The following PLXDC2 variants were observed in gnomAD, a reference collection of about 807,000 sequenced individuals.
PLXDC2 encodes the protein plexin domain-containing protein 2.
PLXDC2 carries 40 observed loss-of-function variants against 68.9 expected under a neutral mutation model. The observed-to-expected ratio is 0.58, with a 90% CI of 0.45 to 0.76. The LOEUF (loss-of-function observed/expected upper bound fraction) is 0.76. Among genes scored for constraint, PLXDC2 ranks in the 30% least tolerant of loss-of-function variants. PLXDC2 has a pLI of 0.00. For missense variants in PLXDC2, 644 were observed against 661.9 expected (o/e 0.97, Z 0.30); for synonymous variants, 243 against 234.2 (o/e 1.04, Z -0.34).
At chr10:20,049,419 T>C (rs1835853747) in intron 3 of PLXDC2, among the ~76,000 whole-genome samples, 1 of 152,092 alleles carries the variant, frequency 6.6e-6, no homozygotes, top group African/African-American at 2.4e-5. Flanking sequence ...GAAGTAAAAC[T>C]ATCCCTGTTT....
At chr10:20,150,287 T>C (rs758195861) in intron 6 of PLXDC2, among the ~76,000 whole-genome samples, 2 of 152,232 alleles carry the variant, frequency 1.3e-5, no homozygotes, top group Non-Finnish European at 2.9e-5. Context: ...AGGTGGTGTT[T>C]GGTTACATGG....
intron 4 of PLXDC2, among the ~76,000 whole-genome samples, chr10:20,086,428 G>A (rs1465974783): frequency 6.6e-6 from 1 of 151,538 alleles, no homozygotes; most frequent in East Asian, 1.9e-4. Flanking sequence ...CTTGCTTCAA[G>A]CAATCCTCCC....
At chr10:19,947,390 A>G (rs144865288) in intron 1 of PLXDC2, among the ~76,000 whole-genome samples, 3 of 152,342 alleles carry the variant, frequency 2.0e-5, no homozygotes, top group African/African-American at 4.8e-5. Context: ...AGCCCAGGCT[A>G]TCAGGTTTGA....
intron 4 of PLXDC2, among the ~76,000 whole-genome samples, chr10:20,097,424 GTTAGAGATACTATTACT>G (rs758318867): frequency 3.5e-4 from 53 of 152,172 alleles, no homozygotes; most frequent in Non-Finnish European, 6.6e-4. Flanking sequence ...TCCATGGCTG[GTTAGAGATACTATTACT>G]ATTTTAACTT....
chr10:19,842,956 G>A (rs1836936751), intron 1 of PLXDC2, among the ~76,000 whole-genome samples: 1 of 152,096 alleles, frequency 6.6e-6, no homozygotes, highest in Non-Finnish European at 1.5e-5. Flanking sequence ...TGTATTCAGT[G>A]TTTATTGGCT....
rs868480555 is a variant in PLXDC2, at chr10:19,883,884, C to T, written c.112+66693C>T. On this transcript the variant is annotated intron_variant, in intron 1 of 13. Coordinates refer to ENST00000377252, the MANE Select transcript of PLXDC2 (RefSeq NM_032812.9). ...ATTACTGTCTCCAGATCCCTTTAAA[C>T]TTTTTTTTTTTTTTTTTTTTTTTTT... is the stretch of plus-strand genomic sequence containing the variant. Among the ~76,000 whole-genome samples, 44 of 55,098 alleles carry T rather than the reference C, an allele frequency of 8.0e-4. 1 individual carries two copies. The highest frequency in any genetic ancestry group is 1.2e-3 in the African/African-American group (13 of 10,842). 36.1% of individuals were successfully genotyped at this position (55,098 alleles called of 152,430 possible). A position where few individuals can be genotyped will look rare whatever the true frequency, so the allele number is the denominator to read the frequency against.
chr10:20,101,220 T>G (rs1415023089), intron 4 of PLXDC2, among the ~76,000 whole-genome samples: 1 of 152,152 alleles, frequency 6.6e-6, no homozygotes. Flanking sequence ...ATCCACATTC[T>G]TCCAAAGTAG....
At chr10:19,852,357 T>C (rs558480357) in intron 1 of PLXDC2, among the ~76,000 whole-genome samples, 4 of 138,364 alleles carry the variant, frequency 2.9e-5, no homozygotes, top group Admixed American at 1.6e-4. Context: ...GCCCAGGAGA[T>C]TGAGGCTGCA....
At chr10:20,080,179 A>G (rs920109685) in intron 4 of PLXDC2, among the ~76,000 whole-genome samples, 6 of 152,172 alleles carry the variant, frequency 3.9e-5, no homozygotes, top group Non-Finnish European at 7.4e-5. Context: ...CTCTCATTCT[A>G]TCGAGAAAAA....
chr10:20,134,188 C>A (rs995272082), intron 4 of PLXDC2, among the ~76,000 whole-genome samples: 1 of 152,078 alleles, frequency 6.6e-6, no homozygotes, highest in Non-Finnish European at 1.5e-5. Context: ...ATTTTCAATT[C>A]TTTGTCAGGC....
chr10:20,234,583 T>C (rs1835407763), intron 12 of PLXDC2, among the ~76,000 whole-genome samples: 1 of 152,126 alleles, frequency 6.6e-6, no homozygotes, highest in Admixed American at 6.5e-5. Context: ...CACAGTTTAT[T>C]AGTTCTCGTA....
chr10:19,915,999 A>T (rs1430239067), intron 1 of PLXDC2, among the ~76,000 whole-genome samples: 3 of 152,092 alleles, frequency 2.0e-5, no homozygotes, highest in Middle Eastern at 3.4e-3. Flanking sequence ...TGGTGCTTTC[A>T]TGTGTACCTC....
intron 7 of PLXDC2, among the ~76,000 whole-genome samples, chr10:20,168,857 G>A (rs533508666): frequency 6.6e-6 from 1 of 152,186 alleles, no homozygotes; most frequent in East Asian, 1.9e-4. Context: ...CTACTACAGA[G>A]AAATAGTAAT....
chr10:20,149,315 C>G (rs1458079866), intron 6 of PLXDC2, among the ~76,000 whole-genome samples: 3 of 129,420 alleles, frequency 2.3e-5, no homozygotes, highest in African/African-American at 8.4e-5. Context: ...CTTGCCTCAC[C>G]ATAACCTCTG....
At chr10:20,206,392 G>C (rs1429978998) in intron 9 of PLXDC2, among the ~76,000 whole-genome samples, 1 of 152,062 alleles carries the variant, frequency 6.6e-6, no homozygotes, top group Non-Finnish European at 1.5e-5. Context: ...TGCTGAATCT[G>C]CTGGGTGGAA....
At chr10:20,107,188 A>G (rs539636272) in intron 4 of PLXDC2, among the ~76,000 whole-genome samples, 2 of 151,814 alleles carry the variant, frequency 1.3e-5, no homozygotes, top group African/African-American at 4.8e-5. Flanking sequence ...TATCCTGCAT[A>G]CTGTATATTT....
At chr10:20,095,292 A>G (rs1389803485) in intron 4 of PLXDC2, among the ~76,000 whole-genome samples, 4 of 152,190 alleles carry the variant, frequency 2.6e-5, no homozygotes, top group African/African-American at 9.6e-5. Flanking sequence ...ATCCTACAGT[A>G]TTAGACAGTA....
chr10:20,130,841 G>A (rs1763402348), intron 4 of PLXDC2, among the ~76,000 whole-genome samples: 1 of 152,020 alleles, frequency 6.6e-6, no homozygotes, highest in Non-Finnish European at 1.5e-5. Flanking sequence ...TGTGATCATG[G>A]GTAGTGATCC....
intron 4 of PLXDC2, among the ~76,000 whole-genome samples, chr10:20,100,429 T>C (rs1055124263): frequency 1.3e-5 from 2 of 152,224 alleles, no homozygotes; most frequent in Non-Finnish European, 1.5e-5. Flanking sequence ...ATGGAAGTGA[T>C]GTGATGTCAG....
Sources: allele counts gnomAD v4.1 joint callset (sites outside exome capture counted in the v4.1 genomes callset), GRCh38; gene constraint gnomAD v4.1.1; transcripts MANE v1.5; gene names NCBI Gene and HGNC (gene_info 2026-07-23, HGNC 2026-07-21).